The following ASXL1 variants were observed in gnomAD, a reference collection of about 807,000 sequenced individuals.
The protein encoded by ASXL1 is polycomb group protein ASXL1.
ASXL1 carries 65 observed loss-of-function variants against 89.1 expected under a neutral mutation model. The ratio of observed to expected loss-of-function variants is 0.73; its 90% CI spans 0.60 to 0.90. ASXL1 has a LOEUF of 0.90. Among genes scored for constraint, ASXL1 ranks in the 40% least tolerant of loss-of-function variants. The pLI is 0.00. For missense variants in ASXL1, 1,786 were observed against 1,942.9 expected (o/e 0.92, Z 1.52); for synonymous variants, 739 against 746.9 (o/e 0.99, Z 0.17).
chr20:32,423,401 T>TGTGTG (rs1555909883), intron 4 of ASXL1, among the ~76,000 whole-genome samples: 7 of 150,982 alleles, frequency 4.6e-5, no homozygotes, highest in Non-Finnish European at 7.4e-5. Flanking sequence ...AGCTAATTTT[T>TGTGTG]TGTGTGTGTG....
chr20:32,401,197 A>G (rs537912282), intron 4 of ASXL1, among the ~76,000 whole-genome samples: 1 of 152,336 alleles, frequency 6.6e-6, no homozygotes, highest in Non-Finnish European at 1.5e-5. Context: ...TTGAGCTGGC[A>G]TGGTTAATAT....
At chr20:32,386,303 A>C (rs1243402822) in intron 4 of ASXL1, among the ~76,000 whole-genome samples, 2 of 152,248 alleles carry the variant, frequency 1.3e-5, no homozygotes, top group Non-Finnish European at 2.9e-5. Flanking sequence ...AGTGTCAACA[A>C]GGAGATGTGT....
chr20:32,437,856 G>C lies in ASXL1; in HGVS notation c.*518G>C, dbSNP rs558200073. ...GGGGCTGGTGCACCTGCTGACCTCAGGGTCACAGTTGAGTCATTTGCCAGT... is the reference window on the plus strand; with the variant it reads ...GGGGCTGGTGCACCTGCTGACCTCACGGTCACAGTTGAGTCATTTGCCAGT... On this transcript the variant is annotated 3_prime_UTR_variant, in exon 13 of 13. Coordinates refer to ENST00000375687, the MANE Select transcript of ASXL1 (RefSeq NM_015338.6). 8.1e-6 allele frequency: 2 copies of C among 246,264 alleles called. No individual in the cohort carries two copies. The highest frequency in any genetic ancestry group is 1.2e-4 in the East Asian group (2 of 17,058). The allele number at this position is 246,264 out of a possible 1,614,324, so 15.3% of individuals were successfully genotyped here.
intron 4 of ASXL1, among the ~76,000 whole-genome samples, chr20:32,415,512 A>G (rs540038538): frequency 6.6e-6 from 1 of 152,252 alleles, no homozygotes; most frequent in South Asian, 2.1e-4. Flanking sequence ...AGGGGGTCTG[A>G]CTGTTTTATT....
chr20:32,387,369 ACAT>A (rs1235297367), intron 4 of ASXL1, among the ~76,000 whole-genome samples: 2 of 152,188 alleles, frequency 1.3e-5, no homozygotes, highest in Non-Finnish European at 2.9e-5. Context: ...TGTTTCTTTC[ACAT>A]CATAGCCTTA....
chr20:32,394,027 G>C (rs2048718885), intron 4 of ASXL1, among the ~76,000 whole-genome samples: 1 of 133,432 alleles, frequency 7.5e-6, no homozygotes, highest in Non-Finnish European at 1.5e-5. Flanking sequence ...GTTTGAGACA[G>C]AGTCTCGCAC....
chr20:32,438,618 C>T lies in ASXL1; in HGVS notation c.*1280C>T, dbSNP rs1009954722. On this transcript the variant is annotated 3_prime_UTR_variant, in exon 13 of 13. Coordinates refer to ENST00000375687, the MANE Select transcript of ASXL1 (RefSeq NM_015338.6). ...ATCTCTCCTCCTACAGCCTTAATGG[C>T]TGCTTGCTGCCATATGTGACAAATC... The T allele has an allele frequency of 1.7e-5, 4 of 233,546 alleles. No individual in the cohort carries two copies. The highest frequency in any genetic ancestry group is 8.8e-5 in the African/African-American group (4 of 45,332). 14.5% of individuals were successfully genotyped at this position (233,546 alleles called of 1,614,324 possible). A position where few individuals can be genotyped will look rare whatever the true frequency, so the allele number is the denominator to read the frequency against.
intron 4 of ASXL1, among the ~76,000 whole-genome samples, chr20:32,424,963 G>T (rs561926887): frequency 3.2e-4 from 48 of 151,934 alleles, no homozygotes; most frequent in Non-Finnish European, 4.1e-4. Flanking sequence ...CCCCTTCCCA[G>T]TCACAGCCCC....
chr20:32,400,916 T>G (rs1345500507), intron 4 of ASXL1, among the ~76,000 whole-genome samples: 1 of 152,192 alleles, frequency 6.6e-6, no homozygotes, highest in Non-Finnish European at 1.5e-5. Flanking sequence ...TAGTTTCATG[T>G]TTTGTTAGTT....
chr20:32,405,971 A>G (rs2048947824), intron 4 of ASXL1, among the ~76,000 whole-genome samples: 1 of 152,116 alleles, frequency 6.6e-6, no homozygotes, highest in Non-Finnish European at 1.5e-5. Flanking sequence ...ATGTCTCAAA[A>G]AAAAATTAAT....
intron 4 of ASXL1, among the ~76,000 whole-genome samples, chr20:32,409,232 C>CA (rs1382796464): frequency 6.6e-6 from 1 of 152,164 alleles, no homozygotes. Flanking sequence ...CTTGGCCTTC[C>CA]AAAGTGCTGG....
At chr20:32,372,925 C>T (rs1436775471) in intron 4 of ASXL1, among the ~76,000 whole-genome samples, 2 of 148,000 alleles carry the variant, frequency 1.4e-5, no homozygotes, top group Non-Finnish European at 3.0e-5. Context: ...ATGATAAATA[C>T]TGTTTATGAT....
intron 8 of ASXL1, 60 bp from the exon 9 acceptor site, chr20:32,431,261 G>C: frequency 6.2e-7 from 1 of 1,610,292 alleles, no homozygotes. Flanking sequence ...TTTCCCATCA[G>C]TTGGCATTTG....
chr20:32,412,133 CTT>C (rs2049059524), intron 4 of ASXL1, among the ~76,000 whole-genome samples: 1 of 152,114 alleles, frequency 6.6e-6, no homozygotes, highest in Non-Finnish European at 1.5e-5. Context: ...CTGTTTCTCT[CTT>C]TGTCTGTCTA....
Position 32,358,481 on chromosome 20 carries a change from T to G in ASXL1, c.-295T>G. ...GCCGGAGCCGTGACCTCTGACCCCG[T>G]GGTTATGCGGAGCCGCCGCATTCCT... On this transcript the variant is annotated 5_prime_UTR_variant, in exon 1 of 13. Coordinates refer to ENST00000375687, the MANE Select transcript of ASXL1 (RefSeq NM_015338.6). 1 of 230,878 alleles carries G rather than the reference T, an allele frequency of 4.3e-6. No individual in the cohort carries two copies. The allele number at this position is 230,878 out of a possible 1,614,324, so 14.3% of individuals were successfully genotyped here. A position where few individuals can be genotyped will look rare whatever the true frequency, so the allele number is the denominator to read the frequency against.
chr20:32,420,382 A>C (rs1035110202), intron 4 of ASXL1, among the ~76,000 whole-genome samples: 2 of 152,134 alleles, frequency 1.3e-5, no homozygotes, highest in African/African-American at 4.8e-5. Context: ...ATCAATTTAA[A>C]TGTTAGCTCT....
intron 4 of ASXL1, chr20:32,372,451 T>TA: frequency 9.5e-7 from 1 of 1,048,148 alleles, no homozygotes. Context: ...TTGGTTCCTC[T>TA]AGTTAGACTG....
Position 32,415,012 on chromosome 20 carries a change from G to C in ASXL1, c.253-13116G>C, listed in dbSNP as rs1272422023. 2.0e-5 allele frequency among the ~76,000 whole-genome samples: 3 copies of C among 148,172 alleles called. No homozygotes were observed. In the East Asian group the frequency reaches 6.0e-4, roughly 30 times the overall value. ...TGTTTGTTTGTTTGTTTGTTTGTTT[G>C]TTTTGTTTTGTTTGAGATGGAGTTT... is the stretch of plus-strand genomic sequence containing the variant. On this transcript the variant is annotated intron_variant, in intron 4 of 12. Coordinates refer to ENST00000375687, the MANE Select transcript of ASXL1 (RefSeq NM_015338.6).
rs1009054325 is a variant in ASXL1, at chr20:32,419,799, C to G, written c.253-8329C>G. Reference sequence around the variant, plus strand: ...CATTCAGGCAATTCTCCTGCCTCAGCCTCCTGAGTGGCCGGGATTACAGGC... The same window carrying G: ...CATTCAGGCAATTCTCCTGCCTCAGGCTCCTGAGTGGCCGGGATTACAGGC... On this transcript the variant is annotated intron_variant, in intron 4 of 12. Coordinates refer to ENST00000375687, the MANE Select transcript of ASXL1 (RefSeq NM_015338.6). Among the ~76,000 whole-genome samples the G allele has an allele frequency of 3.9e-5, 6 of 151,904 alleles. 1 individual carries two copies. In the East Asian group the frequency reaches 1.2e-3, roughly 29 times the overall value.
Sources: allele counts gnomAD v4.1 joint callset (sites outside exome capture counted in the v4.1 genomes callset), GRCh38; gene constraint gnomAD v4.1.1; transcripts MANE v1.5; gene names NCBI Gene and HGNC (gene_info 2026-07-23, HGNC 2026-07-21).